LRRC36: variants seen among roughly 807,000 people sequenced by gnomAD.
The protein encoded by LRRC36 is leucine-rich repeat-containing protein 36.
LRRC36 carries 62 observed loss-of-function variants against 81.1 expected under a neutral mutation model. The ratio of observed to expected loss-of-function variants is 0.76; its 90% CI spans 0.62 to 0.94. LRRC36 has a LOEUF of 0.94. Ranked by LOEUF, LRRC36 falls within the 40% of genes least tolerant of loss-of-function variation. LRRC36 has a pLI of 0.00. For synonymous variants in LRRC36, 334 were observed against 348.6 expected (o/e 0.96, Z 0.47); for missense variants, 761 against 881.7 (o/e 0.86, Z 1.73).
At chr16:67,355,841 C>T (rs1278206441) in intron 5 of LRRC36, among the ~76,000 whole-genome samples, 1 of 152,072 alleles carries the variant, frequency 6.6e-6, no homozygotes, top group Non-Finnish European at 1.5e-5. Context: ...GGTTTTATGG[C>T]AGATATGGAA....
At chr16:67,327,519 A>G (rs1357094266) in intron 1 of LRRC36, among the ~76,000 whole-genome samples, 1 of 152,126 alleles carries the variant, frequency 6.6e-6, no homozygotes, top group African/African-American at 2.4e-5. Context: ...AATAAAATAA[A>G]TAAATAATAA....
intron 9 of LRRC36, among the ~76,000 whole-genome samples, chr16:67,372,298 G>C (rs1597493349): frequency 6.6e-6 from 1 of 151,178 alleles, no homozygotes; most frequent in Non-Finnish European, 1.5e-5. Flanking sequence ...CGGAGGTTGT[G>C]GTGAGCCGAG....
At position 67,380,352 on chromosome 16, in the gene LRRC36, C is replaced by T. The variant is rs575213127; in HGVS notation, c.1930+1640C>T. 2.0e-5 allele frequency among the ~76,000 whole-genome samples: 3 copies of T among 152,254 alleles called. No homozygotes were observed. In the East Asian group the frequency reaches 5.8e-4, roughly 29 times the overall value. Reference sequence around the variant, plus strand: ...TGTACTTGAATGCCCCTTTCACTCCCCTCTGCCAACACTGGGCATTTTTTC... The same window carrying T: ...TGTACTTGAATGCCCCTTTCACTCCTCTCTGCCAACACTGGGCATTTTTTC... On this transcript the variant is annotated intron_variant, in intron 12 of 13. Transcript: ENST00000329956.
intron 1 of LRRC36, among the ~76,000 whole-genome samples, chr16:67,338,925 C>T (rs1245518442): frequency 2.3e-4 from 24 of 106,106 alleles, no homozygotes; most frequent in South Asian, 6.9e-4. Flanking sequence ...GACAGAGTCT[C>T]GCTCTGTTGC....
At chr16:67,384,337 G>A (rs1567508196) in intron 13 of LRRC36, among the ~76,000 whole-genome samples, 1 of 152,152 alleles carries the variant, frequency 6.6e-6, no homozygotes, top group Non-Finnish European at 1.5e-5. Context: ...GGGAGGCTGA[G>A]GCAGGAGAAT....
intron 1 of LRRC36, among the ~76,000 whole-genome samples, chr16:67,340,930 A>C (rs1362494496): frequency 6.8e-6 from 1 of 146,040 alleles, no homozygotes; most frequent in Non-Finnish European, 1.5e-5. Flanking sequence ...TATGTACTAC[A>C]TATACTCTAT....
At chr16:67,327,910 C>G (rs1230063848) in intron 1 of LRRC36, among the ~76,000 whole-genome samples, 1 of 151,554 alleles carries the variant, frequency 6.6e-6, no homozygotes, top group East Asian at 1.9e-4. Flanking sequence ...GTGACCTTGA[C>G]AGAGGGAGTT....
chr16:67,364,639 G>A (rs1456504792), intron 6 of LRRC36, among the ~76,000 whole-genome samples: 2 of 151,902 alleles, frequency 1.3e-5, no homozygotes, highest in African/African-American at 4.8e-5. Flanking sequence ...TTGACTTAAG[G>A]AAATGGAGAC....
chr16:67,359,925 C>G (rs544350381), intron 5 of LRRC36, among the ~76,000 whole-genome samples: 1 of 152,094 alleles, frequency 6.6e-6, no homozygotes, highest in Non-Finnish European at 1.5e-5. Context: ...GAGTTCGAGA[C>G]CAGCCTGACA....
At chr16:67,327,512 A>T (rs1265974161) in intron 1 of LRRC36, among the ~76,000 whole-genome samples, 1 of 152,090 alleles carries the variant, frequency 6.6e-6, no homozygotes, top group Non-Finnish European at 1.5e-5. Flanking sequence ...AATAATAAAT[A>T]AAATAAATAA....
At chr16:67,341,843 T>G (rs187653528) in intron 1 of LRRC36, 114 bp from the exon 2 acceptor site, 1 of 654,324 alleles carries the variant, frequency 1.5e-6, no homozygotes, top group East Asian at 2.8e-5. Context: ...TTATGAGGCT[T>G]GGATGTAGGG....
In LRRC36 at chr16:67,375,323, A is replaced by G; in HGVS notation, c.1571A>G (p.His524Arg). The G allele has an allele frequency of 6.2e-7, 1 of 1,606,308 alleles. No individual in the cohort carries two copies. Among genetic ancestry groups the G allele is most frequent in the Non-Finnish European group, 8.5e-7 (1 of 1,177,340 alleles). ...HSPPISARTP[H>R]VATVLRQLLE... is the part of the protein sequence containing the mutation. ...CCCCCCATCTCTGCCAGAACCCCCCATGTGGCCACTGTCCTCAGACAGCTC... is the reference window on the plus strand; with the variant it reads ...CCCCCCATCTCTGCCAGAACCCCCCGTGTGGCCACTGTCCTCAGACAGCTC... Residue 524 changes from histidine to arginine, a missense_variant, in exon 10 of 14, where the codon CAT becomes CGT. By Grantham distance (29) the His-to-Arg change is conservative. Coordinates refer to ENST00000329956, the MANE Select transcript of LRRC36 (RefSeq NM_018296.6).
chr16:67,366,901 T>C, intron 7 of LRRC36, 116 bp from the exon 8 acceptor site: 1 of 782,136 alleles, frequency 1.3e-6, no homozygotes, highest in Non-Finnish European at 2.1e-6. Context: ...ATAAACCACC[T>C]CTTCCTGAGA....
rs35595978 is a variant in LRRC36 at position 67,350,157 on chromosome 16, C to CTTT, written c.489-33_489-31dup. ...AGCATTTACTGGTGATCTCAGAAGC[C>CTTT]TTTTTTTTTTTTTTGAGTTGTAAAT... On this transcript the variant is annotated intron_variant, in intron 4 of 13. Transcript: ENST00000329956. 3.5e-4 allele frequency: 395 copies of CTTT among 1,135,330 alleles called. 1 individual carries two copies. The African/African-American group carries it at 4.8e-3, about 14-fold the overall frequency. 70.3% of individuals were successfully genotyped at this position (1,135,330 alleles called of 1,614,324 possible).
rs182533862 is a variant in LRRC36 at position 67,331,798 on chromosome 16, G to A, written c.70+4866G>A. Reference sequence around the variant, plus strand: ...AGGTTGGGAGTTTGAGACCAGCCTGGCCAGCATGTTGAAACCCCATCTCTA... The same window carrying A: ...AGGTTGGGAGTTTGAGACCAGCCTGACCAGCATGTTGAAACCCCATCTCTA... On this transcript the variant is annotated intron_variant, in intron 1 of 13. Transcript: ENST00000329956. Among the ~76,000 whole-genome samples the A allele has an allele frequency of 3.4e-4, 51 of 151,936 alleles. 1 individual carries two copies. In the East Asian group the frequency reaches 8.2e-3, roughly 24 times the overall value.
intron 11 of LRRC36, among the ~76,000 whole-genome samples, chr16:67,377,289 G>A (rs2039938530): frequency 6.6e-6 from 1 of 152,110 alleles, no homozygotes; most frequent in African/African-American, 2.4e-5. Flanking sequence ...AGGAAAGGAA[G>A]AAGCAACTCA....
intron 1 of LRRC36, among the ~76,000 whole-genome samples, chr16:67,334,283 T>A (rs1415407356): frequency 6.6e-6 from 1 of 152,048 alleles, no homozygotes; most frequent in Non-Finnish European, 1.5e-5. Context: ...CTTCCCAAAG[T>A]GCTGGGATTA....
intron 1 of LRRC36, among the ~76,000 whole-genome samples, chr16:67,340,923 G>A (rs939608533): frequency 5.4e-4 from 63 of 116,006 alleles, no homozygotes; most frequent in African/African-American, 6.4e-4. Context: ...TATAGAATAT[G>A]TACTACATAT....
At chr16:67,347,693 A>G in intron 4 of LRRC36, 102 bp downstream of exon 4, 2 of 778,066 alleles carry the variant, frequency 2.6e-6, no homozygotes, top group Non-Finnish European at 4.2e-6. Flanking sequence ...ATTTCCCACA[A>G]ATTGTAAGAA....
Sources: gnomAD v4.1 joint callset for allele counts (sites outside exome capture counted in the v4.1 genomes callset) on GRCh38, gnomAD v4.1.1 for gene constraint, MANE v1.5 for transcripts, NCBI Gene and HGNC (gene_info 2026-07-23, HGNC 2026-07-21) for gene names.